Variants in CEP44 observed in about 807,000 individuals in gnomAD.
The protein encoded by CEP44 is centrosomal protein 44.
Under a neutral mutation model 46.7 loss-of-function variants are expected in CEP44, and 45 were observed. The observed-to-expected ratio is 0.96, with a 90% CI of 0.76 to 1.24. The LOEUF (loss-of-function observed/expected upper bound fraction) is 1.24. CEP44 is among the 50% of genes most tolerant of loss of function. The probability of loss-of-function intolerance (pLI) is 0.00; values close to 1 mark genes in which losing one functional copy is unlikely to be tolerated. For missense variants in CEP44, 475 were observed against 459.7 expected, an observed-to-expected ratio of 1.03 and a Z score of -0.30; for synonymous variants, 142 against 146.0, an observed-to-expected ratio of 0.97 and a Z score of 0.20.
At position 174,309,999 on chromosome 4, in the gene CEP44, G is replaced by C; in HGVS notation, c.828G>C (p.Trp276Cys). The part of the protein sequence containing the change: ...KGKVMVDENT[W>C]TNLLSRVTLL... ...AAGTGATGGTAGATGAAAACACCTGGACTAATCTTCTTAGTCGTGTCACTC... is the reference window on the plus strand; with the variant it reads ...AAGTGATGGTAGATGAAAACACCTGCACTAATCTTCTTAGTCGTGTCACTC... Residue 276 changes from tryptophan to cysteine, a missense_variant, in exon 8 of 12, where the codon TGG (tryptophan) becomes TGC (cysteine). Transcript: ENST00000503780. This position sits in a 1 kb window ranked among gnomAD's most constrained non-coding sequence, Gnocchi z 5.3. 1.2e-6 allele frequency: 2 copies of C among 1,612,700 alleles called. No individual in the cohort carries two copies. Among genetic ancestry groups the C allele is most frequent in the East Asian group, 4.5e-5 (2 of 44,750 alleles).
chr4:174,316,346 G>A (rs1741712313), intron 10 of CEP44, 56 bp downstream of exon 10: 1 of 1,540,924 alleles, frequency 6.5e-7, no homozygotes. Context: ...GCAAGCATTA[G>A]CTTTTGTTGT....
chr4:174,287,797 TA>T lies in CEP44; in HGVS notation c.-148+3856del, dbSNP rs1737731794. Among the ~76,000 whole-genome samples the T allele has an allele frequency of 6.6e-6, 1 of 152,226 alleles. No individual in the cohort carries two copies. Among genetic ancestry groups the T allele is most frequent in the Non-Finnish European group, 1.5e-5 (1 of 68,022 alleles). On this transcript the variant is annotated intron_variant, in intron 1 of 11. Transcript: ENST00000503780. This position sits in a 1 kb window ranked among gnomAD's most constrained non-coding sequence, Gnocchi z 5.1. Reference sequence around the variant, plus strand: ...CAATATGTTTATAAGTGTTTTGCAGTAACCTTTTTGTTTCTATAATTTCATG... The same window carrying T: ...CAATATGTTTATAAGTGTTTTGCAGTACCTTTTTGTTTCTATAATTTCATG...
In CEP44 at chr4:174,318,684, A is replaced by G. The variant is rs143252989; in HGVS notation, c.*1301A>G. 1.4e-3 allele frequency: 865 copies of G among 625,934 alleles called. 6 individuals are homozygous for G. The African/African-American group carries it at 0.015, about 11-fold the overall frequency. 38.8% of individuals were successfully genotyped at this position (625,934 alleles called of 1,614,324 possible). The stretch of plus-strand genomic sequence containing the variant: ...ATTTATGGTATGTATGTATAATTCT[A>G]TATTACACTGTCAAATATAAAATAT... On this transcript the variant is annotated 3_prime_UTR_variant, in exon 12 of 12. Transcript: ENST00000503780.
intron 1 of CEP44, among the ~76,000 whole-genome samples, chr4:174,294,957 C>A (rs1207646734): frequency 2.8e-5 from 4 of 142,470 alleles, no homozygotes; most frequent in African/African-American, 7.9e-5. Flanking sequence ...ACCTCCTGGA[C>A]GGGACGGCTG....
intron 2 of CEP44, among the ~76,000 whole-genome samples, chr4:174,298,662 G>A (rs13101580): frequency 0.41 from 62,132 of 151,756 alleles, 13,502 homozygotes; most frequent in Non-Finnish European, 0.48. Context: ...TTAAATCTGC[G>A]CTAAATTTGT....
rs775655280 is a variant in CEP44 at position 174,286,558 on chromosome 4, A to G, written c.-148+2615A>G. Reference sequence around the variant, plus strand: ...ATGGACAGTTGTGGTAGATGTTTTTATGTAAGTTATTGAGTTTCACGTTAC... The same window carrying G: ...ATGGACAGTTGTGGTAGATGTTTTTGTGTAAGTTATTGAGTTTCACGTTAC... On this transcript the variant is annotated intron_variant, in intron 1 of 11. Coordinates refer to ENST00000503780, the MANE Select transcript of CEP44 (RefSeq NM_001040157.3). The surrounding 1 kb of genome is among the most constrained non-coding windows in gnomAD (Gnocchi z 5.2). Among the ~76,000 whole-genome samples the G allele has an allele frequency of 2.6e-5, 4 of 152,168 alleles. No individual in the cohort carries two copies. The highest frequency in any genetic ancestry group is 4.4e-5 in the Non-Finnish European group (3 of 68,030).
At chr4:174,295,751 C>G (rs568122983) in intron 1 of CEP44, among the ~76,000 whole-genome samples, 2 of 152,284 alleles carry the variant, frequency 1.3e-5, no homozygotes, top group South Asian at 2.1e-4. Context: ...CTCGGGAGGC[C>G]GAGGCTCCAT....
chr4:174,320,285 T>C lies in CEP44; in HGVS notation c.*2902T>C. 7 of 979,322 alleles carry C rather than the reference T, an allele frequency of 7.1e-6. No individual in the cohort carries two copies. Among genetic ancestry groups the C allele is most frequent in the Non-Finnish European group, 8.5e-6 (7 of 824,550 alleles). The allele number at this position is 979,322 out of a possible 1,614,324, so 60.7% of individuals were successfully genotyped here. ...GCTTGTTTTCCTCTACTGTTTTTAA[T>C]GTGATGTTGTAATATATTTTAAAAA... On this transcript the variant is annotated 3_prime_UTR_variant, in exon 12 of 12. Coordinates refer to ENST00000503780, the MANE Select transcript of CEP44 (RefSeq NM_001040157.3).
rs1473752923 is a variant in CEP44 at position 174,311,916 on chromosome 4, C to A, written c.961+1058C>A. 6.6e-6 allele frequency among the ~76,000 whole-genome samples: 1 copy of A among 152,166 alleles called. No homozygotes were observed. Among genetic ancestry groups the A allele is most frequent in the East Asian group, 1.9e-4 (1 of 5,198 alleles). ...TTATTTGAGATGCTATTTAAGGCAA[C>A]TAAATTTATTATAGGCTGCAGATTT... On this transcript the variant is annotated intron_variant, in intron 9 of 11. Coordinates refer to ENST00000503780, the MANE Select transcript of CEP44 (RefSeq NM_001040157.3). This position sits in a 1 kb window ranked among gnomAD's most constrained non-coding sequence, Gnocchi z 4.4.
Position 174,296,541 on chromosome 4 carries a change from T to C in CEP44, c.-147-1425T>C, listed in dbSNP as rs564907239. Among the ~76,000 whole-genome samples the C allele has an allele frequency of 1.4e-4, 22 of 152,308 alleles. No homozygotes were observed. The South Asian group carries it at 4.6e-3, about 32-fold the overall frequency. ...TTTTTGCCATCATTTTCAATTCTGT[T>C]GTTGATTTCTATTTAAATCCATTGT... is the stretch of plus-strand genomic sequence containing the variant. On this transcript the variant is annotated intron_variant, in intron 1 of 11. Transcript: ENST00000503780.
Position 174,329,699 on chromosome 4 carries a change from CTGTT to C in CEP44, c.1087-1780_1087-1777del, listed in dbSNP as rs965644993. ...TTTTAGGTTTAGAGAAAGGATAAGA[CTGTT>C]TGGATTATGTTCTTCTCTAATTTAG... is the stretch of plus-strand genomic sequence containing the variant. On this transcript the variant is annotated intron_variant, in intron 8 of 8. Transcript: ENST00000426172. This position sits in a 1 kb window ranked among gnomAD's most constrained non-coding sequence, Gnocchi z 4.0. Among the ~76,000 whole-genome samples, 3 of 151,790 alleles carry C rather than the reference CTGTT, an allele frequency of 2.0e-5. No individual in the cohort carries two copies. Among genetic ancestry groups the C allele is most frequent in the African/African-American group, 4.8e-5 (2 of 41,304 alleles).
chr4:174,294,732 C>T (rs1413518930), intron 1 of CEP44, among the ~76,000 whole-genome samples: 2 of 143,606 alleles, frequency 1.4e-5, no homozygotes, highest in Admixed American at 6.8e-5. Flanking sequence ...CTGACCACCC[C>T]CCACCTCCCT....
intron 6 of CEP44, among the ~76,000 whole-genome samples, chr4:174,307,931 G>A (rs1023858024): frequency 6.6e-6 from 1 of 152,078 alleles, no homozygotes; most frequent in Admixed American, 6.6e-5. Context: ...TTCTCAGAAT[G>A]ACTATTATTA....
At chr4:174,306,385 C>T (rs1041057081) in intron 6 of CEP44, among the ~76,000 whole-genome samples, 7 of 151,992 alleles carry the variant, frequency 4.6e-5, no homozygotes, top group Non-Finnish European at 1.0e-4. Context: ...TTAAAAATAA[C>T]TTTTTATTAT....
At chr4:174,305,096 T>G (rs1308539806) in intron 6 of CEP44, among the ~76,000 whole-genome samples, 1 of 152,224 alleles carries the variant, frequency 6.6e-6, no homozygotes, top group African/African-American at 2.4e-5. Context: ...TGAAGTATAA[T>G]CTAGAGTATT....
chr4:174,327,347 G>A (rs1446088622), intron 8 of CEP44, among the ~76,000 whole-genome samples: 3 of 151,654 alleles, frequency 2.0e-5, no homozygotes, highest in East Asian at 3.9e-4. Context: ...TACCATCTTC[G>A]TGTTAGGAAG....
At chr4:174,330,553 T>C (rs1007530165) in intron 8 of CEP44, among the ~76,000 whole-genome samples, 1 of 152,140 alleles carries the variant, frequency 6.6e-6, no homozygotes, top group South Asian at 2.1e-4. Context: ...ATCATGAATA[T>C]TTTCCATATC....
At chr4:174,283,888 G>C, upstream of CEP44, 1 of 398,918 alleles carries the variant, frequency 2.5e-6, no homozygotes. The surrounding 1 kb of genome is among the most constrained non-coding windows in gnomAD (Gnocchi z 6.7). Context: ...GTGTGGAATC[G>C]GCAGCGAGGA....
rs761581759 is a variant in CEP44, at chr4:174,308,772, T to G, written c.591T>G (p.Val197=). The G allele has an allele frequency of 1.9e-6, 3 of 1,613,234 alleles. No homozygotes were observed. The highest frequency in any genetic ancestry group is 2.5e-6 in the Non-Finnish European group (3 of 1,179,464). The change falls in exon 7 of 12, where the codon GTT becomes GTG. Residue 197 remains valine, a synonymous_variant. Coordinates refer to ENST00000503780, the MANE Select transcript of CEP44 (RefSeq NM_001040157.3). ...ATACATTAAGTCCAATAACAGATGT[T>G]AATGAAGCAGTTGATGTGTCTGACT... ...SEDTLSPITD[V]NEAVDVSDLN... is the part of the protein sequence containing the mutation.
Sources: allele counts gnomAD v4.1 joint callset (sites outside exome capture counted in the v4.1 genomes callset), GRCh38; gene constraint gnomAD v4.1.1; non-coding constraint Gnocchi (gnomAD v3.1); transcripts MANE v1.5; gene names NCBI Gene and HGNC (gene_info 2026-07-23, HGNC 2026-07-21).